The following CHD6 variants were observed in gnomAD, a reference collection of about 807,000 sequenced individuals.
CHD6 encodes chromodomain helicase DNA binding protein 6.
A neutral mutation model predicts 276.9 loss-of-function variants in CHD6; 50 were observed. The observed-to-expected ratio is 0.18, with a 90% CI of 0.14 to 0.23. The LOEUF (loss-of-function observed/expected upper bound fraction) is 0.23, where lower values mean the gene tolerates loss of function less well. Ranked by LOEUF, CHD6 falls within the 10% of genes least tolerant of loss-of-function variation. The pLI, the probability that CHD6 is intolerant of heterozygous loss-of-function variation, is 1.00. For synonymous variants in CHD6, 1,173 were observed against 1,229.3 expected (o/e 0.95, Z 0.96); for missense variants, 2,564 against 3,365.8 (o/e 0.76, Z 5.89).
intron 1 of CHD6, among the ~76,000 whole-genome samples, chr20:41,560,637 T>A (rs1238260500): frequency 6.6e-6 from 1 of 152,162 alleles, no homozygotes; most frequent in African/African-American, 2.4e-5. Context: ...GACTCTTCAG[T>A]GATTACCTGT....
intron 1 of CHD6, among the ~76,000 whole-genome samples, chr20:41,555,045 G>T (rs2045203703): frequency 6.8e-6 from 1 of 148,090 alleles, no homozygotes; most frequent in Admixed American, 6.6e-5. Context: ...CGGGGCGGCT[G>T]GCCGGGTGGG....
At chr20:41,603,802 G>A (rs2146291393) in intron 1 of CHD6, among the ~76,000 whole-genome samples, 1 of 152,280 alleles carries the variant, frequency 6.6e-6, no homozygotes, top group East Asian at 1.9e-4. Flanking sequence ...AGGGGAAGCA[G>A]AGGCTGCAGT....
chr20:41,555,364 G>A (rs1038465456), intron 1 of CHD6, among the ~76,000 whole-genome samples: 5 of 136,658 alleles, frequency 3.7e-5, no homozygotes, highest in South Asian at 2.5e-4. Flanking sequence ...GCGGGGGGCC[G>A]ACCCCCCCAC....
rs192302897 is a variant in CHD6 at position 41,597,516 on chromosome 20, T to C, written c.-24+20824A>G. Among the ~76,000 whole-genome samples, 218 of 151,982 alleles carry C rather than the reference T, an allele frequency of 1.4e-3. 2 individuals are homozygous for C. Among genetic ancestry groups the C allele is most frequent in the African/African-American group, 5.1e-3 (212 of 41,452 alleles). Reference sequence around the variant, plus strand: ...CTGGAGATCATGTCCTTATCAGAAGTTGGAAAGAGGGAAAGCTCGAACCCA... The same window carrying C: ...CTGGAGATCATGTCCTTATCAGAAGCTGGAAAGAGGGAAAGCTCGAACCCA... On this transcript the variant is annotated intron_variant, in intron 1 of 36. Coordinates refer to ENST00000373233, the MANE Select transcript of CHD6 (RefSeq NM_032221.5).
chr20:41,421,860 C>T lies in CHD6; in HGVS notation c.4775G>A (p.Gly1592Glu). The change falls in exon 31 of 37, where the codon GGG (glycine) becomes GAG (glutamate). Residue 1592 changes from glycine to glutamate, a missense_variant. Physicochemically the swap from Gly to Glu is moderately conservative, Grantham distance 98 (BLOSUM62 -2). Transcript: ENST00000373233. ...GATGTAACAGTCAGTGCGGTTCAGCCCATGTTTGGCAGTGCCGATGAGCAG... is the reference window on the plus strand; with the variant it reads ...GATGTAACAGTCAGTGCGGTTCAGCTCATGTTTGGCAGTGCCGATGAGCAG... ...RDLLIGTAKH[G>E]LNRTDCYIMN... 1 of 1,614,124 alleles carries T rather than the reference C, an allele frequency of 6.2e-7. No homozygotes were observed. The highest frequency in any genetic ancestry group is 8.5e-7 in the Non-Finnish European group (1 of 1,180,012).
At chr20:41,419,639 T>C (rs1294581156) in intron 31 of CHD6, among the ~76,000 whole-genome samples, 4 of 146,798 alleles carry the variant, frequency 2.7e-5, no homozygotes, top group African/African-American at 1.0e-4. Flanking sequence ...TTTCCCTCTT[T>C]AACATAAAAT....
At position 41,577,318 on chromosome 20, in the gene CHD6, T is replaced by C. The variant is rs549034909; in HGVS notation, c.-23-25958A>G. Among the ~76,000 whole-genome samples, 81 of 152,314 alleles carry C rather than the reference T, an allele frequency of 5.3e-4. 1 individual carries two copies. Among genetic ancestry groups the C allele is most frequent in the African/African-American group, 1.7e-3 (72 of 41,554 alleles). On this transcript the variant is annotated intron_variant, in intron 1 of 36. Coordinates refer to ENST00000373233, the MANE Select transcript of CHD6 (RefSeq NM_032221.5). ...AGCCTGAAAATATATAGCTAAGATTTATCTGGGTGGCCGCTTTGTAACAAG... is the reference window on the plus strand; with the variant it reads ...AGCCTGAAAATATATAGCTAAGATTCATCTGGGTGGCCGCTTTGTAACAAG...
At chr20:41,491,954 C>T (rs535097380) in intron 10 of CHD6, 135 bp from the exon 11 acceptor site, 39 of 916,974 alleles carry the variant, frequency 4.3e-5, no homozygotes, top group Non-Finnish European at 6.4e-5. Context: ...TTCTGAGTAA[C>T]GTATAGGTTG....
chr20:41,591,618 G>C (rs1276162470), intron 1 of CHD6, among the ~76,000 whole-genome samples: 1 of 151,992 alleles, frequency 6.6e-6, no homozygotes, highest in Non-Finnish European at 1.5e-5. Context: ...ACTTGAACCC[G>C]GGAGGCGGAG....
At chr20:41,617,592 AAAAT>A (rs1272949552) in intron 1 of CHD6, among the ~76,000 whole-genome samples, 1 of 152,208 alleles carries the variant, frequency 6.6e-6, no homozygotes, top group African/African-American at 2.4e-5. Context: ...AACAGCGAGG[AAAAT>A]AAATACCTTG....
chr20:41,487,842 T>C (rs2145849808), intron 13 of CHD6, 34 bp from the exon 14 acceptor site: 1 of 1,585,426 alleles, frequency 6.3e-7, no homozygotes, highest in African/African-American at 1.4e-5. Context: ...TGGACAGTGC[T>C]TGAGCCATCA....
intron 1 of CHD6, among the ~76,000 whole-genome samples, chr20:41,557,440 C>A (rs1457158141): frequency 6.6e-6 from 1 of 151,720 alleles, no homozygotes. Context: ...CTATCTCTCT[C>A]TCCAGTCCAA....
At chr20:41,574,762 T>A (rs971707963) in intron 1 of CHD6, among the ~76,000 whole-genome samples, 1 of 151,988 alleles carries the variant, frequency 6.6e-6, no homozygotes, top group African/African-American at 2.4e-5. Context: ...TTCAAAACCA[T>A]GAGAACCAAG....
chr20:41,581,422 A>G (rs6072434), intron 1 of CHD6, among the ~76,000 whole-genome samples: 12,180 of 152,218 alleles, frequency 0.08, 755 homozygotes, highest in Non-Finnish European at 0.11. Flanking sequence ...CACACCTGTA[A>G]TCCCAGCACT....
chr20:41,576,446 G>C (rs985107786), intron 1 of CHD6, among the ~76,000 whole-genome samples: 8 of 152,120 alleles, frequency 5.3e-5, no homozygotes, highest in African/African-American at 1.7e-4. Context: ...GGTACTTTGG[G>C]AGGCCAAGGC....
chr20:41,455,680 T>G, intron 19 of CHD6, 120 bp downstream of exon 19: 4 of 676,380 alleles, frequency 5.9e-6, no homozygotes, highest in Non-Finnish European at 9.9e-6. Context: ...GCAGACTAAA[T>G]GTGCAGCCAA....
chr20:41,600,795 C>T (rs1442257830), intron 1 of CHD6, among the ~76,000 whole-genome samples: 2 of 152,142 alleles, frequency 1.3e-5, no homozygotes, highest in Non-Finnish European at 2.9e-5. Flanking sequence ...AGCTAACCAC[C>T]ACCATCACCT....
intron 1 of CHD6, among the ~76,000 whole-genome samples, chr20:41,599,687 A>G (rs753278451): frequency 7.9e-5 from 12 of 152,228 alleles, no homozygotes; most frequent in African/African-American, 1.2e-4. Flanking sequence ...GCCAGACACA[A>G]TAAGTTCCTC....
In CHD6 at chr20:41,457,248, G is replaced by A. The variant is rs375863294; in HGVS notation, c.2829+16C>T. Reference sequence around the variant, plus strand: ...CAATGTTCCTTAAGACTCCAGAGCAGGCCCATCACACTCACCCCATTGGTG... The same window carrying A: ...CAATGTTCCTTAAGACTCCAGAGCAAGCCCATCACACTCACCCCATTGGTG... On this transcript the variant is annotated intron_variant, in intron 18 of 36. Transcript: ENST00000373233. The A allele has an allele frequency of 1.2e-6, 2 of 1,608,446 alleles. No homozygotes were observed. Among genetic ancestry groups the A allele is most frequent in the Non-Finnish European group, 1.7e-6 (2 of 1,175,296 alleles).
Sources: allele counts gnomAD v4.1 joint callset (sites outside exome capture counted in the v4.1 genomes callset), GRCh38; gene constraint gnomAD v4.1.1; transcripts MANE v1.5; gene names NCBI Gene and HGNC (gene_info 2026-07-23, HGNC 2026-07-21).